The following ATP11B variants were observed in gnomAD, a reference collection of about 807,000 sequenced individuals.
ATP11B encodes ATPase phospholipid transporting 11B (putative).
Under a neutral mutation model 157.8 loss-of-function variants are expected in ATP11B, and 81 were observed. That is an observed-to-expected ratio of 0.51 (90% confidence interval 0.43 to 0.62). The LOEUF is 0.62. Ranked by LOEUF, ATP11B falls within the 20% of genes least tolerant of loss-of-function variation. The pLI is 0.00. For synonymous variants in ATP11B, 451 were observed against 469.4 expected (o/e 0.96, Z 0.51); for missense variants, 1,165 against 1,402.2 (o/e 0.83, Z 2.70).
At chr3:182,853,455 C>T (rs940611771) in intron 10 of ATP11B, among the ~76,000 whole-genome samples, 1 of 152,130 alleles carries the variant, frequency 6.6e-6, no homozygotes, top group Non-Finnish European at 1.5e-5. Context: ...ATCCGCCTAC[C>T]TCGGCCTCCC....
Position 182,859,338 on chromosome 3 carries a change from T to C in ATP11B, c.1179T>C (p.Asp393=). Residue 393 remains aspartate, a synonymous_variant, in exon 12 of 30, where the codon GAT becomes GAC. Coordinates refer to ENST00000323116, the MANE Select transcript of ATP11B (RefSeq NM_014616.3). ...AGAAAGCTCAAGTCAATACTTCCGA[T>C]CTGAATGAAGAGCTTGGACAGGTGA... is the stretch of plus-strand genomic sequence containing the variant. ...SDQKAQVNTS[D]LNEELGQVEY... The C allele has an allele frequency of 6.2e-7, 1 of 1,604,112 alleles. No homozygotes were observed. Among genetic ancestry groups the C allele is most frequent in the Non-Finnish European group, 8.5e-7 (1 of 1,174,564 alleles).
chr3:182,793,839 G>A (rs1715406550), intron 1 of ATP11B, 53 bp downstream of exon 1: 17 of 1,181,828 alleles, frequency 1.4e-5, no homozygotes, highest in Non-Finnish European at 1.8e-5. Context: ...GGGGCCTCTC[G>A]GCCCGGGGTG....
rs756231115 is a variant in ATP11B, at chr3:182,897,404, C to G, written c.3150C>G (p.Leu1050=). ...TTTCCTTGTTTTATGGAGGGATTCT[C>G]TGGTGAGTGAATATATTGTATTTTA... ...FVFSLFYGGI[L]WPFLGSQNMY... The change falls in exon 27 of 30, where the codon CTC becomes CTG. Residue 1050 remains leucine, a splice_region_variant and synonymous_variant. Transcript: ENST00000323116. The G allele has an allele frequency of 6.5e-7, 1 of 1,533,304 alleles. No homozygotes were observed. 95.0% of individuals were successfully genotyped at this position (1,533,304 alleles called of 1,614,324 possible). A position where few individuals can be genotyped will look rare whatever the true frequency, so the allele number is the denominator to read the frequency against.
intron 27 of ATP11B, among the ~76,000 whole-genome samples, 190 bp downstream of exon 27, chr3:182,897,596 AT>A (rs1308303038): frequency 2.6e-5 from 4 of 151,718 alleles, no homozygotes; most frequent in East Asian, 3.9e-4. Context: ...ATTTTTCTAG[AT>A]TTTTTTTATA....
At chr3:182,859,680 A>G (rs1720685312) in intron 12 of ATP11B, among the ~76,000 whole-genome samples, 1 of 152,090 alleles carries the variant, frequency 6.6e-6, no homozygotes, top group Admixed American at 6.6e-5. Flanking sequence ...TCATATCACA[A>G]TTTGGGATTT....
intron 1 of ATP11B, among the ~76,000 whole-genome samples, chr3:182,800,419 G>A (rs578137425): frequency 4.1e-4 from 63 of 151,890 alleles, no homozygotes; most frequent in African/African-American, 1.5e-3. Flanking sequence ...TAGAGGTGGG[G>A]GTCTCACTAT....
rs1192388868 is a variant in ATP11B at position 182,918,780 on chromosome 3, A to T, written c.*676A>T. 1.9e-5 allele frequency: 3 copies of T among 159,270 alleles called. No homozygotes were observed. Among genetic ancestry groups the T allele is most frequent in the African/African-American group, 7.4e-5 (3 of 40,690 alleles). The allele number at this position is 159,270 out of a possible 1,614,324, so 9.9% of individuals were successfully genotyped here. A position where few individuals can be genotyped will look rare whatever the true frequency, so the allele number is the denominator to read the frequency against. The stretch of plus-strand genomic sequence containing the variant: ...AAGTTAGCCATATAAATGCAAGGGT[A>T]TATCATATATACAAATCAGGAATCA... On this transcript the variant is annotated 3_prime_UTR_variant, in exon 30 of 30. Transcript: ENST00000323116.
intron 21 of ATP11B, among the ~76,000 whole-genome samples, chr3:182,883,134 A>G (rs1722541996): frequency 6.6e-6 from 1 of 152,212 alleles, no homozygotes; most frequent in South Asian, 2.1e-4. Flanking sequence ...TGACATTGCA[A>G]TTATGAATGC....
rs763416685 is a variant in ATP11B, at chr3:182,869,341, A to C, written c.1866+10A>C. 1 of 1,469,060 alleles carries C rather than the reference A, an allele frequency of 6.8e-7. No homozygotes were observed. The highest frequency in any genetic ancestry group is 1.2e-5 in the South Asian group (1 of 80,924). 91.0% of individuals were successfully genotyped at this position (1,469,060 alleles called of 1,614,324 possible). ...AGATGAATTTGCTTTGGTGAGTGCA[A>C]ATTTCTATGATTTAAAAAACTCTAA... On this transcript the variant is annotated intron_variant, in intron 17 of 29. Coordinates refer to ENST00000323116, the MANE Select transcript of ATP11B (RefSeq NM_014616.3).
intron 23 of ATP11B, among the ~76,000 whole-genome samples, chr3:182,886,760 A>G (rs896876839): frequency 2.0e-5 from 3 of 152,160 alleles, no homozygotes; most frequent in Non-Finnish European, 4.4e-5. Context: ...TGATCAAGAC[A>G]CTAGTTCTAA....
chr3:182,851,169 G>A (rs1024965145), intron 10 of ATP11B, among the ~76,000 whole-genome samples: 1 of 152,178 alleles, frequency 6.6e-6, no homozygotes, highest in East Asian at 1.9e-4. Flanking sequence ...GTGTGCGCCT[G>A]TAGTCCCAGC....
intron 29 of ATP11B, 24 bp downstream of exon 29, chr3:182,914,018 T>C: frequency 6.2e-7 from 1 of 1,613,214 alleles, no homozygotes. Context: ...CTAAGTAGCC[T>C]TTGCTGCAGA....
At chr3:182,880,847 G>A (rs201934406) in intron 20 of ATP11B, 32 bp from the exon 21 acceptor site, 65 of 1,421,224 alleles carry the variant, frequency 4.6e-5, no homozygotes, top group Admixed American at 1.4e-4. Context: ...TTGAACTTGC[G>A]TCATAAATAA....
At chr3:182,883,983 G>GACTA (rs71185611) in intron 21 of ATP11B, among the ~76,000 whole-genome samples, 75,304 of 145,004 alleles carry the variant, frequency 0.52, 22,231 homozygotes, top group Non-Finnish European at 0.67. Context: ...AAAGAATGCA[G>GACTA]ACTAAAAACA....
At chr3:182,818,154 G>C (rs1033549463) in intron 1 of ATP11B, among the ~76,000 whole-genome samples, 2 of 152,140 alleles carry the variant, frequency 1.3e-5, no homozygotes, top group Non-Finnish European at 2.9e-5. Flanking sequence ...CTAGTGTTTG[G>C]GGGGAGATGT....
At chr3:182,903,042 T>C (rs938509817) in intron 28 of ATP11B, among the ~76,000 whole-genome samples, 1 of 152,176 alleles carries the variant, frequency 6.6e-6, no homozygotes, top group Non-Finnish European at 1.5e-5. Flanking sequence ...TCCTGGCTAC[T>C]ATTTAGTGCA....
chr3:182,856,671 A>G (rs1226064855), intron 10 of ATP11B, among the ~76,000 whole-genome samples: 1 of 152,188 alleles, frequency 6.6e-6, no homozygotes, highest in African/African-American at 2.4e-5. Context: ...ATACATAATA[A>G]CCAAACGAAA....
At chr3:182,889,777 A>G (rs978280672) in intron 25 of ATP11B, among the ~76,000 whole-genome samples, 1 of 152,208 alleles carries the variant, frequency 6.6e-6, no homozygotes, top group Non-Finnish European at 1.5e-5. Context: ...CAGTTTTGCT[A>G]TTCAAAAATT....
intron 25 of ATP11B, among the ~76,000 whole-genome samples, chr3:182,892,093 T>A (rs980981946): frequency 1.3e-5 from 2 of 152,222 alleles, no homozygotes; most frequent in African/African-American, 4.8e-5. Flanking sequence ...AAACTCTCTC[T>A]TAACTGTGAA....
Sources: gnomAD v4.1 joint callset for allele counts (sites outside exome capture counted in the v4.1 genomes callset) on GRCh38, gnomAD v4.1.1 for gene constraint, MANE v1.5 for transcripts, NCBI Gene and HGNC (gene_info 2026-07-23, HGNC 2026-07-21) for gene names.